The following PHKB variants were observed in gnomAD, a reference collection of about 807,000 sequenced individuals.
PHKB encodes phosphorylase b kinase regulatory subunit beta.
In PHKB, 122 loss-of-function variants were observed where a neutral mutation model predicts 152.1. The ratio of observed to expected loss-of-function variants is 0.80; its 90% CI spans 0.69 to 0.93. The LOEUF (loss-of-function observed/expected upper bound fraction) is 0.93. Among genes scored for constraint, PHKB ranks in the 40% least tolerant of loss-of-function variants. The pLI is 0.00. For missense variants in PHKB, 1,304 were observed against 1,328.4 expected (o/e 0.98, Z 0.29); for synonymous variants, 436 against 464.9 (o/e 0.94, Z 0.80).
chr16:47,496,098 T>G (rs907361292), intron 1 of PHKB, among the ~76,000 whole-genome samples: 8 of 151,970 alleles, frequency 5.3e-5, no homozygotes, highest in Admixed American at 1.3e-4. Context: ...TTTAATTTTC[T>G]TTAAAAACAG....
chr16:47,555,471 C>G (rs1971352928), intron 7 of PHKB, among the ~76,000 whole-genome samples: 1 of 152,166 alleles, frequency 6.6e-6, no homozygotes, highest in Non-Finnish European at 1.5e-5. Context: ...TGCAACAAAT[C>G]ACTATCTCCC....
chr16:47,592,092 A>G (rs1972038806), intron 10 of PHKB, among the ~76,000 whole-genome samples: 1 of 152,154 alleles, frequency 6.6e-6, no homozygotes, highest in Admixed American at 6.5e-5. Flanking sequence ...CCCAACAACA[A>G]AGAATTATTT....
chr16:47,520,143 C>T (rs1179337612), intron 6 of PHKB, among the ~76,000 whole-genome samples: 1 of 152,068 alleles, frequency 6.6e-6, no homozygotes, highest in Non-Finnish European at 1.5e-5. Flanking sequence ...ATAAGGTATT[C>T]TTAGCTCCTG....
intron 8 of PHKB, among the ~76,000 whole-genome samples, chr16:47,581,781 G>C (rs1971851138): frequency 6.6e-6 from 1 of 152,178 alleles, no homozygotes; most frequent in Non-Finnish European, 1.5e-5. Context: ...CCGGGTTCAA[G>C]CAGTTCTTCT....
intron 26 of PHKB, among the ~76,000 whole-genome samples, chr16:47,683,533 G>C (rs1387382914): frequency 2.0e-5 from 3 of 152,170 alleles, no homozygotes; most frequent in South Asian, 4.1e-4. Context: ...AGCAATCAGC[G>C]AGACTCCGTG....
chr16:47,669,532 G>A, intron 26 of PHKB, 115 bp downstream of exon 26: 2 of 892,266 alleles, frequency 2.2e-6, no homozygotes, highest in Non-Finnish European at 3.8e-6. Context: ...TCAGCAAAGA[G>A]CACCTGTCCT....
chr16:47,655,108 T>C (rs185725417), intron 20 of PHKB, among the ~76,000 whole-genome samples: 3 of 152,266 alleles, frequency 2.0e-5, no homozygotes, highest in East Asian at 3.9e-4. Context: ...GTAGTACTTA[T>C]TCACTATAAT....
intron 13 of PHKB, among the ~76,000 whole-genome samples, chr16:47,605,110 A>G (rs1317567285): frequency 6.6e-6 from 1 of 152,218 alleles, no homozygotes; most frequent in Non-Finnish European, 1.5e-5. Context: ...TATTTCTCAC[A>G]TTTACCATTA....
intron 14 of PHKB, among the ~76,000 whole-genome samples, chr16:47,620,559 T>C (rs1464977845): frequency 6.6e-6 from 1 of 152,146 alleles, no homozygotes; most frequent in Non-Finnish European, 1.5e-5. Context: ...TCCCACAGTA[T>C]AGGTAATGCA....
intron 3 of PHKB, 74 bp downstream of exon 3, chr16:47,499,968 C>A: frequency 1.3e-6 from 2 of 1,558,364 alleles, no homozygotes; most frequent in Non-Finnish European, 8.8e-7. Flanking sequence ...ACTAATTGAG[C>A]CGCTATCTTT....
In PHKB at chr16:47,552,044, C is replaced by CT. The variant is rs879822475; in HGVS notation, c.710+4504dup. ...GAGACTAGGATTGCCACCCTGCTTT[C>CT]TTTTTTTTCTTTCCATTTGCTTGGT... On this transcript the variant is annotated intron_variant, in intron 7 of 30. Coordinates refer to ENST00000323584, the MANE Select transcript of PHKB (RefSeq NM_000293.3). Among the ~76,000 whole-genome samples the CT allele has an allele frequency of 7.9e-5, 12 of 152,004 alleles. No homozygotes were observed. The East Asian group carries it at 2.1e-3, about 27-fold the overall frequency.
chr16:47,610,996 C>T, intron 14 of PHKB, 76 bp downstream of exon 14: 1 of 889,756 alleles, frequency 1.1e-6, no homozygotes. Flanking sequence ...AATTTTTGTT[C>T]TGAATAGGTT....
In PHKB at chr16:47,699,571, G is replaced by T. The variant is rs536697787; in HGVS notation, c.*205G>T. ...AATGCTTTTAATCAAGCAGGAAAAA[G>T]TTCTCATGATTATGCCAACTATAAT... On this transcript the variant is annotated 3_prime_UTR_variant, in exon 31 of 31. Transcript: ENST00000323584. 1 of 630,748 alleles carries T rather than the reference G, an allele frequency of 1.6e-6. No homozygotes were observed. Among genetic ancestry groups the T allele is most frequent in the East Asian group, 2.8e-5 (1 of 35,700 alleles). The allele number at this position is 630,748 out of a possible 1,614,324, so 39.1% of individuals were successfully genotyped here.
chr16:47,531,139 A>G (rs569277507), intron 6 of PHKB, among the ~76,000 whole-genome samples: 1 of 152,164 alleles, frequency 6.6e-6, no homozygotes, highest in Admixed American at 6.5e-5. Flanking sequence ...GAAATGACTT[A>G]TATACACCCC....
intron 6 of PHKB, among the ~76,000 whole-genome samples, chr16:47,517,095 G>A (rs1970610710): frequency 6.6e-6 from 1 of 151,992 alleles, no homozygotes. Flanking sequence ...AGGAGAGGAG[G>A]CCTTCCAGAA....
intron 7 of PHKB, among the ~76,000 whole-genome samples, chr16:47,551,732 A>G (rs550660200): frequency 6.6e-6 from 1 of 152,278 alleles, no homozygotes; most frequent in Middle Eastern, 3.4e-3. Context: ...TGTTAGGTCC[A>G]CTTGGTCCAG....
chr16:47,617,839 T>C (rs1346898573), intron 14 of PHKB, among the ~76,000 whole-genome samples: 1 of 152,230 alleles, frequency 6.6e-6, no homozygotes, highest in Non-Finnish European at 1.5e-5. Flanking sequence ...AGAAGACTCT[T>C]ATCACCCTTG....
intron 5 of PHKB, among the ~76,000 whole-genome samples, chr16:47,515,286 C>T (rs1414305970): frequency 1.3e-5 from 2 of 152,078 alleles, no homozygotes; most frequent in African/African-American, 2.4e-5. Context: ...TATTTGAAGC[C>T]GTTTCCCTAA....
At chr16:47,528,636 C>G (rs1007323598) in intron 6 of PHKB, among the ~76,000 whole-genome samples, 5 of 149,710 alleles carry the variant, frequency 3.3e-5, no homozygotes, top group Admixed American at 6.6e-5. Flanking sequence ...TAAAGTTTCA[C>G]TTGGCTACAA....
Sources: allele counts gnomAD v4.1 joint callset (sites outside exome capture counted in the v4.1 genomes callset), GRCh38; gene constraint gnomAD v4.1.1; transcripts MANE v1.5; gene names NCBI Gene and HGNC (gene_info 2026-07-23, HGNC 2026-07-21).